Variants in CMSS1 observed in about 807,000 individuals in gnomAD.
The protein encoded by CMSS1 is protein CMSS1.
In CMSS1, 33 loss-of-function variants were observed where a neutral mutation model predicts 43.5. That is an observed-to-expected ratio of 0.76 (90% CI 0.57 to 1.01). The LOEUF (loss-of-function observed/expected upper bound fraction) is 1.01, where lower values mean the gene tolerates loss of function less well. CMSS1 is among the 50% of genes least tolerant of loss of function. The probability of loss-of-function intolerance (pLI) is 0.00; values close to 1 mark genes in which losing one functional copy is unlikely to be tolerated. For missense variants in CMSS1, 313 were observed against 326.4 expected (o/e 0.96, Z 0.32); for synonymous variants, 115 against 117.2 (o/e 0.98, Z 0.12).
At chr3:99,889,934 T>C (rs868812823) in intron 1 of CMSS1, among the ~76,000 whole-genome samples, 1 of 152,246 alleles carries the variant, frequency 6.6e-6, no homozygotes, top group East Asian at 1.9e-4. Context: ...ATTGTTCTAT[T>C]AGGCAATTAT....
rs952749373 is a variant in CMSS1 at position 100,147,311 on chromosome 3, C to T, written c.153+250C>T. On this transcript the variant is annotated intron_variant, in intron 2 of 9. Transcript: ENST00000421999. ...TTTGAGACAGGATCTTGCTTTATCA[C>T]CCAGGCTGTAGTACAGTGGCACAAT... Among the ~76,000 whole-genome samples the T allele has an allele frequency of 3.5e-5, 5 of 143,340 alleles. No homozygotes were observed. The South Asian group carries it at 1.1e-3, about 32-fold the overall frequency. The allele number at this position is 143,340 out of a possible 152,430, so 94.0% of individuals were successfully genotyped here.
intron 1 of CMSS1, among the ~76,000 whole-genome samples, chr3:99,948,407 G>A (rs1161701812): frequency 6.6e-6 from 1 of 151,894 alleles, no homozygotes; most frequent in African/African-American, 2.4e-5. Flanking sequence ...GTAGGGTGAT[G>A]CACACCTGTA....
At chr3:99,969,007 C>G (rs1201134028) in intron 1 of CMSS1, among the ~76,000 whole-genome samples, 1 of 151,956 alleles carries the variant, frequency 6.6e-6, no homozygotes, top group Non-Finnish European at 1.5e-5. Flanking sequence ...AAATGGGTTT[C>G]TGGGCTTAGA....
At chr3:100,170,246 A>G (rs1452683303) in intron 6 of CMSS1, among the ~76,000 whole-genome samples, 2 of 152,242 alleles carry the variant, frequency 1.3e-5, no homozygotes, top group African/African-American at 2.4e-5. Context: ...TTACAGGTCA[A>G]TATTTCTCAA....
intron 1 of CMSS1, among the ~76,000 whole-genome samples, chr3:100,016,508 T>C (rs1201350681): frequency 6.6e-6 from 1 of 152,190 alleles, no homozygotes; most frequent in Non-Finnish European, 1.5e-5. Flanking sequence ...ATAACTTTTC[T>C]GATTTCTTGG....
intron 1 of CMSS1, among the ~76,000 whole-genome samples, chr3:99,893,812 G>T (rs1458131270): frequency 6.6e-6 from 1 of 152,162 alleles, no homozygotes; most frequent in African/African-American, 2.4e-5. Flanking sequence ...CAAATATAGA[G>T]ATACTTAAAA....
At chr3:100,166,445 G>A in intron 5 of CMSS1, 51 bp downstream of exon 5, 1 of 1,268,252 alleles carries the variant, frequency 7.9e-7, no homozygotes, top group Non-Finnish European at 1.1e-6. Context: ...ATTTTGCTCT[G>A]GTTTTGGGAA....
At chr3:100,034,048 G>C (rs1041166343) in intron 1 of CMSS1, among the ~76,000 whole-genome samples, 1 of 152,158 alleles carries the variant, frequency 6.6e-6, no homozygotes, top group African/African-American at 2.4e-5. Context: ...CCCGCCATGC[G>C]TTATTTTGCT....
At chr3:100,165,486 A>G (rs1201915836) in intron 4 of CMSS1, among the ~76,000 whole-genome samples, 1 of 152,092 alleles carries the variant, frequency 6.6e-6, no homozygotes, top group Admixed American at 6.6e-5. Context: ...TACATATTAA[A>G]ATGTATCTAA....
intron 1 of CMSS1, among the ~76,000 whole-genome samples, chr3:99,994,728 A>AG (rs1247576728): frequency 6.6e-6 from 1 of 152,238 alleles, no homozygotes; most frequent in Non-Finnish European, 1.5e-5. Context: ...GGGAGGCCTC[A>AG]GAATCATGGT....
intron 1 of CMSS1, among the ~76,000 whole-genome samples, chr3:100,139,571 ATATATATG>A (rs2066786421): frequency 2.1e-5 from 3 of 144,114 alleles, no homozygotes; most frequent in African/African-American, 5.2e-5. Context: ...GTGTGTATGT[ATATATATG>A]TGTATATATA....
intron 1 of CMSS1, among the ~76,000 whole-genome samples, chr3:99,859,786 C>A (rs1332123595): frequency 6.6e-6 from 1 of 151,806 alleles, no homozygotes; most frequent in Non-Finnish European, 1.5e-5. Context: ...TGGTATCAGG[C>A]CTATAATTTA....
chr3:100,141,055 A>T (rs1027478619), intron 1 of CMSS1, among the ~76,000 whole-genome samples: 1 of 152,200 alleles, frequency 6.6e-6, no homozygotes, highest in Admixed American at 6.5e-5. Context: ...TATATTTTTT[A>T]TGATTGGAAG....
At chr3:99,961,411 A>ATACATATG (rs1336672171) in intron 1 of CMSS1, among the ~76,000 whole-genome samples, 1 of 152,068 alleles carries the variant, frequency 6.6e-6, no homozygotes, top group Non-Finnish European at 1.5e-5. Flanking sequence ...ATCTACAATG[A>ATACATATG]CTCTTATGCT....
In CMSS1 at chr3:100,180,266, T is replaced by C. The variant is rs2067176913; in HGVS notation, c.*1878T>C. Reference sequence around the variant, plus strand: ...GTTTTGGCTATTAACATTTGGCTCCTCTTGTGCAAACTTCTGCAGTGAGCT... The same window carrying C: ...GTTTTGGCTATTAACATTTGGCTCCCCTTGTGCAAACTTCTGCAGTGAGCT... On this transcript the variant is annotated 3_prime_UTR_variant, in exon 10 of 10. Transcript: ENST00000421999. 1 of 152,278 alleles carries C rather than the reference T, an allele frequency of 6.6e-6. No homozygotes were observed. Among genetic ancestry groups the C allele is most frequent in the Admixed American group, 6.5e-5 (1 of 15,294 alleles). The allele number at this position is 152,278 out of a possible 1,614,324, so 9.4% of individuals were successfully genotyped here. A position where few individuals can be genotyped will look rare whatever the true frequency, so the allele number is the denominator to read the frequency against.
intron 1 of CMSS1, among the ~76,000 whole-genome samples, chr3:99,990,142 T>C (rs1709470628): frequency 6.6e-6 from 1 of 152,220 alleles, no homozygotes; most frequent in Non-Finnish European, 1.5e-5. Context: ...TGCCAGATAC[T>C]GCCTATGCTC....
intron 1 of CMSS1, chr3:100,109,907 C>T (rs1391617790): frequency 7.6e-5 from 9 of 118,652 alleles, no homozygotes; most frequent in Non-Finnish European, 1.4e-4. Context: ...TTTATGACCC[C>T]CCCCCCCCAG....
At chr3:99,989,112 T>TC (rs1709438899) in intron 1 of CMSS1, among the ~76,000 whole-genome samples, 1 of 152,224 alleles carries the variant, frequency 6.6e-6, no homozygotes, top group African/African-American at 2.4e-5. Flanking sequence ...TAGGGTGCTT[T>TC]CATATACATT....
chr3:99,836,636 G>A (rs1354221376), intron 1 of CMSS1, among the ~76,000 whole-genome samples: 2 of 152,134 alleles, frequency 1.3e-5, no homozygotes, highest in Non-Finnish European at 1.5e-5. Context: ...ACCCTACCAT[G>A]TGCCCACATC....
Sources: allele counts gnomAD v4.1 joint callset (sites outside exome capture counted in the v4.1 genomes callset), GRCh38; gene constraint gnomAD v4.1.1; transcripts MANE v1.5; gene names NCBI Gene and HGNC (gene_info 2026-07-23, HGNC 2026-07-21).